Variants in MYCBP2 observed in about 807,000 individuals in gnomAD.
MYCBP2 encodes E3 ubiquitin-protein ligase MYCBP2.
Under a neutral mutation model 525.3 loss-of-function variants are expected in MYCBP2, and 120 were observed. The ratio of observed to expected loss-of-function variants is 0.23; its 90% CI spans 0.20 to 0.27. The LOEUF is 0.27. Among genes scored for constraint, MYCBP2 ranks in the 10% least tolerant of loss-of-function variants. MYCBP2 has a pLI of 1.00. For missense variants in MYCBP2, 4,149 were observed against 5,657.1 expected, an observed-to-expected ratio of 0.73 and a Z score of 8.55; for synonymous variants, 1,894 against 1,955.8, an observed-to-expected ratio of 0.97 and a Z score of 0.83.
At chr13:77,293,640 C>T (rs1402241241) in intron 2 of MYCBP2, among the ~76,000 whole-genome samples, 1 of 152,112 alleles carries the variant, frequency 6.6e-6, no homozygotes, top group Non-Finnish European at 1.5e-5. Context: ...AATGTAATCA[C>T]AAGGGTCCTT....
Position 77,090,133 on chromosome 13 carries a change from T to C in MYCBP2, c.10498A>G (p.Arg3500Gly), listed in dbSNP as rs756419308. The change falls in exon 60 of 83, where the codon AGA becomes GGA. Residue 3500 changes from arginine to glycine, a missense_variant. Arg to Gly is a moderately radical substitution (Grantham distance 125, BLOSUM62 -2). Transcript: ENST00000544440. ...GTGTCTCCACTGTTAACTCTTCTTC[T>C]AGGAATAGCTTTAACTCGTGCAGGT... The part of the protein sequence containing the change: ...ILPARVKAIP[R>G]RRVNSGDTEV... The C allele has an allele frequency of 6.2e-7, 1 of 1,612,094 alleles. No individual in the cohort carries two copies. The highest frequency in any genetic ancestry group is 1.7e-5 in the Admixed American group (1 of 59,910).
intron 2 of MYCBP2, among the ~76,000 whole-genome samples, chr13:77,294,779 G>A (rs1408140923): frequency 6.6e-6 from 1 of 152,146 alleles, no homozygotes; most frequent in Non-Finnish European, 1.5e-5. Flanking sequence ...TAATGAGAAG[G>A]GATACAGTGA....
At chr13:77,301,707 G>C (rs1041691613) in intron 1 of MYCBP2, among the ~76,000 whole-genome samples, 1 of 152,164 alleles carries the variant, frequency 6.6e-6, no homozygotes, top group African/African-American at 2.4e-5. Context: ...AGCAAAATAT[G>C]TGGCAGACAC....
At chr13:77,169,484 C>A in intron 39 of MYCBP2, 130 bp downstream of exon 39, 1 of 592,930 alleles carries the variant, frequency 1.7e-6, no homozygotes, top group Non-Finnish European at 3.0e-6. Context: ...ATTAGCAGAT[C>A]TATCTCTGCT....
At chr13:77,187,936 TG>T (rs2060892081) in intron 30 of MYCBP2, among the ~76,000 whole-genome samples, 1 of 151,998 alleles carries the variant, frequency 6.6e-6, no homozygotes, top group South Asian at 2.1e-4. Context: ...CTGGGCGTGG[TG>T]GCAGGCGCCT....
intron 38 of MYCBP2, among the ~76,000 whole-genome samples, chr13:77,170,963 G>A (rs2059084506): frequency 6.6e-6 from 1 of 152,166 alleles, no homozygotes; most frequent in Non-Finnish European, 1.5e-5. Flanking sequence ...GCAGCAGTGA[G>A]ATTATCGGGA....
intron 68 of MYCBP2, among the ~76,000 whole-genome samples, chr13:77,074,655 T>C (rs1202723356): frequency 6.6e-6 from 1 of 152,170 alleles, no homozygotes; most frequent in Admixed American, 6.5e-5. Context: ...TAAATCCATA[T>C]AATGGAACAC....
At chr13:77,166,270 C>G (rs2058506420) in intron 41 of MYCBP2, 59 bp downstream of exon 41, 10 of 1,201,768 alleles carry the variant, frequency 8.3e-6, no homozygotes, top group Middle Eastern at 2.2e-4. Flanking sequence ...TACACCCTTA[C>G]TAAATATACA....
At chr13:77,070,262 C>T (rs188326861) in intron 69 of MYCBP2, among the ~76,000 whole-genome samples, 149 of 152,226 alleles carry the variant, frequency 9.8e-4, no homozygotes, top group African/African-American at 3.2e-3. Flanking sequence ...TATAAAAGGG[C>T]GAGCATAAAA....
In MYCBP2 at chr13:77,059,575, C is replaced by T; in HGVS notation, c.13088G>A (p.Ser4363Asn). ...SEACRFCGSR[S>N]GTELSAVGSV... ...GCCAACAGCAGATAACTCTGTTCCACTCCTGGAACCACAGAAGCGACATGC... is the reference window on the plus strand; with the variant it reads ...GCCAACAGCAGATAACTCTGTTCCATTCCTGGAACCACAGAAGCGACATGC... The change falls in exon 77 of 83, where the codon AGT (serine) becomes AAT (asparagine). Residue 4363 changes from serine to asparagine, a missense_variant. By Grantham distance (46) the Ser-to-Asn change is conservative. Coordinates refer to ENST00000544440, the MANE Select transcript of MYCBP2 (RefSeq NM_015057.5). The T allele has an allele frequency of 1.9e-6, 3 of 1,614,106 alleles. No homozygotes were observed. The highest frequency in any genetic ancestry group is 2.5e-6 in the Non-Finnish European group (3 of 1,179,990).
intron 7 of MYCBP2, among the ~76,000 whole-genome samples, chr13:77,268,259 T>A (rs1368648663): frequency 2.0e-5 from 3 of 152,206 alleles, no homozygotes; most frequent in Non-Finnish European, 4.4e-5. Flanking sequence ...CTTTAACAAG[T>A]ACTTTAAGAA....
In MYCBP2 at chr13:77,090,141, G is replaced by A; in HGVS notation, c.10490C>T (p.Ala3497Val). The change falls in exon 60 of 83, where the codon GCT (alanine) becomes GTT (valine). Residue 3497 changes from alanine to valine, a missense_variant. Coordinates refer to ENST00000544440, the MANE Select transcript of MYCBP2 (RefSeq NM_015057.5). The stretch of plus-strand genomic sequence containing the variant: ...ACTGTTAACTCTTCTTCTAGGAATA[G>A]CTTTAACTCGTGCAGGTAAAATGGA... ...QHSILPARVK[A>V]IPRRRVNSGD... 1 of 1,612,252 alleles carries A rather than the reference G, an allele frequency of 6.2e-7. No individual in the cohort carries two copies. The highest frequency in any genetic ancestry group is 1.1e-5 in the South Asian group (1 of 90,930).
At chr13:77,071,086 C>A (rs1328798451) in intron 68 of MYCBP2, among the ~76,000 whole-genome samples, 2 of 152,032 alleles carry the variant, frequency 1.3e-5, no homozygotes, top group African/African-American at 4.8e-5. Context: ...TCCTAACAAA[C>A]CTCTGTGATG....
At chr13:77,280,314 A>G (rs1434606039) in intron 3 of MYCBP2, among the ~76,000 whole-genome samples, 1 of 152,232 alleles carries the variant, frequency 6.6e-6, no homozygotes, top group African/African-American at 2.4e-5. Flanking sequence ...GATTAAACAC[A>G]TTAAGTGATT....
chr13:77,298,594 C>T (rs543464281), intron 1 of MYCBP2, among the ~76,000 whole-genome samples: 1 of 152,232 alleles, frequency 6.6e-6, no homozygotes, highest in East Asian at 1.9e-4. Flanking sequence ...TTGAGAGCTA[C>T]AGCTACATGC....
At chr13:77,154,106 A>G (rs969793239) in intron 46 of MYCBP2, among the ~76,000 whole-genome samples, 4 of 152,176 alleles carry the variant, frequency 2.6e-5, no homozygotes, top group African/African-American at 9.6e-5. Flanking sequence ...AGTGCTCCTA[A>G]GACTTCATAT....
intron 82 of MYCBP2, among the ~76,000 whole-genome samples, chr13:77,047,432 A>G (rs966066289): frequency 2.6e-5 from 4 of 152,170 alleles, no homozygotes. Context: ...AAATGGATAG[A>G]GGGATTATGC....
Position 77,257,849 on chromosome 13 carries a change from T to C in MYCBP2, c.2018-20A>G. The C allele has an allele frequency of 6.3e-7, 1 of 1,588,388 alleles. No homozygotes were observed. Among genetic ancestry groups the C allele is most frequent in the Non-Finnish European group, 8.5e-7 (1 of 1,172,090 alleles). ...CCAAACCTATAGGAAAGAAACAAAT[T>C]TAGTAAAAACAACAAAAAGGCCCTT... On this transcript the variant is annotated intron_variant, in intron 13 of 82. Transcript: ENST00000544440.
intron 17 of MYCBP2, among the ~76,000 whole-genome samples, chr13:77,234,314 G>C (rs2067568285): frequency 6.6e-6 from 1 of 151,752 alleles, no homozygotes; most frequent in Non-Finnish European, 1.5e-5. Context: ...CACTATATAA[G>C]CACTGAACAT....
Sources: allele counts gnomAD v4.1 joint callset (sites outside exome capture counted in the v4.1 genomes callset), GRCh38; gene constraint gnomAD v4.1.1; transcripts MANE v1.5; gene names NCBI Gene and HGNC (gene_info 2026-07-23, HGNC 2026-07-21).